Variants in FGF14 observed in about 807,000 individuals in gnomAD.
FGF14 encodes the protein fibroblast growth factor 14, also known as fibroblast growth factor homologous factor 4.
Under a neutral mutation model 25.5 loss-of-function variants are expected in FGF14, and 5 were observed. That is an observed-to-expected ratio of 0.20 (90% CI 0.10 to 0.41). The LOEUF (loss-of-function observed/expected upper bound fraction) is 0.41, where lower values mean the gene tolerates loss of function less well. FGF14 is among the 10% of genes least tolerant of loss of function. The pLI, the probability that FGF14 is intolerant of heterozygous loss-of-function variation, is 1.00. For synonymous variants in FGF14, 138 were observed against 118.3 expected (o/e 1.17, Z -1.08); for missense variants, 222 against 320.1 (o/e 0.69, Z 2.34).
intron 1 of FGF14, among the ~76,000 whole-genome samples, chr13:102,095,806 C>T (rs892552636): frequency 6.6e-6 from 1 of 152,072 alleles, no homozygotes; most frequent in Non-Finnish European, 1.5e-5. Context: ...AAAACATATA[C>T]AAAATATGAG....
At chr13:102,287,262 T>C (rs2054151284) in intron 1 of FGF14, among the ~76,000 whole-genome samples, 2 of 152,252 alleles carry the variant, frequency 1.3e-5, no homozygotes, top group Admixed American at 1.3e-4. Flanking sequence ...TAAATGTGCA[T>C]GTACACAGCA....
chr13:101,982,108 C>T (rs749601775), intron 1 of FGF14, among the ~76,000 whole-genome samples: 2 of 152,088 alleles, frequency 1.3e-5, no homozygotes, highest in African/African-American at 2.4e-5. Flanking sequence ...TCAAAGAGAA[C>T]GATTTTAAGG....
At chr13:102,395,097 G>T (rs1381593841) in intron 1 of FGF14, 2 of 152,282 alleles carry the variant, frequency 1.3e-5, no homozygotes, top group East Asian at 3.8e-4. Flanking sequence ...TGCGAAGTTG[G>T]AAGATTACTG....
chr13:101,921,371 G>A (rs995162581), upstream of FGF14, among the ~76,000 whole-genome samples: 2 of 152,142 alleles, frequency 1.3e-5, no homozygotes, highest in Admixed American at 6.5e-5. Flanking sequence ...TGCTTAAAAT[G>A]GCCATGAACG....
chr13:102,194,302 A>G (rs955152397), intron 1 of FGF14, among the ~76,000 whole-genome samples: 6 of 152,168 alleles, frequency 3.9e-5, no homozygotes, highest in African/African-American at 1.2e-4. Context: ...TTTCTGGGAT[A>G]CATGTACAGG....
intron 1 of FGF14, among the ~76,000 whole-genome samples, chr13:101,899,187 G>A (rs1799336834): frequency 7.0e-6 from 1 of 142,306 alleles, no homozygotes; most frequent in African/African-American, 2.8e-5. Context: ...GGAATCTTCT[G>A]CCCCAACTGT....
chr13:101,797,772 T>TGTGTGTGTGTGTGTGTGTGTGC lies in FGF14; in HGVS notation c.408+70952_408+70953insGCACACACACACACACACACAC, dbSNP rs1555384576. Reference sequence around the variant, plus strand: ...GTGTGTGTGTGTGTGTGTGTGTGTGTGTGTGTGTGTTCAACCTCAGTAGAA... The same window carrying TGTGTGTGTGTGTGTGTGTGTGC: ...GTGTGTGTGTGTGTGTGTGTGTGTGTGTGTGTGTGTGTGTGTGTGTGCGTGTGTGTGTTCAACCTCAGTAGAA... On this transcript the variant is annotated intron_variant, in intron 3 of 4. Transcript: ENST00000376143. Among the ~76,000 whole-genome samples, 14 of 145,670 alleles carry TGTGTGTGTGTGTGTGTGTGTGC rather than the reference T, an allele frequency of 9.6e-5. No individual in the cohort carries two copies. The East Asian group carries it at 1.5e-3, about 15-fold the overall frequency.
chr13:102,156,170 T>A (rs192438167), intron 1 of FGF14, among the ~76,000 whole-genome samples: 2,619 of 152,236 alleles, frequency 0.017, 73 homozygotes, highest in African/African-American at 0.056. Flanking sequence ...GAGGCCAGCA[T>A]CATCCTGATA....
At chr13:101,797,700 C>A (rs1229153118) in intron 3 of FGF14, among the ~76,000 whole-genome samples, 1 of 147,366 alleles carries the variant, frequency 6.8e-6, no homozygotes, top group Non-Finnish European at 1.5e-5. Flanking sequence ...AGATTTGCAA[C>A]CTTAGGCACT....
At chr13:102,328,552 G>A (rs957384814) in intron 1 of FGF14, among the ~76,000 whole-genome samples, 2 of 152,190 alleles carry the variant, frequency 1.3e-5, no homozygotes, top group Non-Finnish European at 1.5e-5. Flanking sequence ...CTCAAAGCAA[G>A]AATTCTGTCC....
At chr13:101,993,593 C>T (rs1209612973) in intron 1 of FGF14, among the ~76,000 whole-genome samples, 3 of 151,966 alleles carry the variant, frequency 2.0e-5, no homozygotes, top group Non-Finnish European at 4.4e-5. Context: ...CTCGAAGGGG[C>T]TTGCACTACA....
chr13:101,934,211 C>T (rs1252881918), intron 1 of FGF14, among the ~76,000 whole-genome samples: 1 of 152,156 alleles, frequency 6.6e-6, no homozygotes, highest in African/African-American at 2.4e-5. Flanking sequence ...ACAACAGAAA[C>T]GAACCAAATG....
intron 1 of FGF14, among the ~76,000 whole-genome samples, chr13:101,907,843 TC>T (rs1372537649): frequency 6.6e-6 from 1 of 152,118 alleles, no homozygotes; most frequent in Non-Finnish European, 1.5e-5. Flanking sequence ...TGGATTGATT[TC>T]CCTGAGTAGG....
rs556187986 is a variant in FGF14 at position 101,826,458 on chromosome 13, T to C, written c.408+42267A>G. ...ATAGCTATCCCAGTTAAATCTCAAA[T>C]TGTATTGGTCAATTAATATTGACTT... On this transcript the variant is annotated intron_variant, in intron 3 of 4. Transcript: ENST00000376143. 5.3e-5 allele frequency among the ~76,000 whole-genome samples: 8 copies of C among 152,164 alleles called. No homozygotes were observed. In the South Asian group the frequency reaches 1.5e-3, roughly 28 times the overall value.
At chr13:102,175,577 G>C (rs989722208) in intron 1 of FGF14, among the ~76,000 whole-genome samples, 1 of 151,992 alleles carries the variant, frequency 6.6e-6, no homozygotes, top group African/African-American at 2.4e-5. Flanking sequence ...ATCGACAAAT[G>C]GAGTTTCATT....
chr13:101,853,700 C>T (rs2043976656), intron 3 of FGF14, among the ~76,000 whole-genome samples: 1 of 152,064 alleles, frequency 6.6e-6, no homozygotes, highest in Non-Finnish European at 1.5e-5. Flanking sequence ...AAGTGATCCT[C>T]CTGCCTCGGC....
rs372555973 is a variant in FGF14 at position 102,283,727 on chromosome 13, C to T, written c.208+117744G>A. 2.0e-4 allele frequency among the ~76,000 whole-genome samples: 31 copies of T among 152,242 alleles called. No individual in the cohort carries two copies. In the East Asian group the frequency reaches 4.4e-3, roughly 22 times the overall value. On this transcript the variant is annotated intron_variant, in intron 1 of 4. Coordinates refer to the FGF14 transcript ENST00000376131. ...TGCAATCAAAATTTCTTTTCTCTAA[C>T]GGTGTGTATACAAAAGGGAAACATT...
chr13:102,156,492 G>T (rs1345770144), intron 1 of FGF14, among the ~76,000 whole-genome samples: 2 of 152,106 alleles, frequency 1.3e-5, no homozygotes, highest in African/African-American at 4.8e-5. Context: ...AATAAATTAG[G>T]TATTGATGGG....
At chr13:101,738,956 G>GTGTATA (rs1425333624) in intron 3 of FGF14, among the ~76,000 whole-genome samples, 1 of 146,188 alleles carries the variant, frequency 6.8e-6, no homozygotes, top group East Asian at 2.0e-4. Context: ...GTGTGTGTGT[G>GTGTATA]TATATATATA....
Sources: allele counts gnomAD v4.1 joint callset (sites outside exome capture counted in the v4.1 genomes callset), GRCh38; gene constraint gnomAD v4.1.1; transcripts MANE v1.5; gene names NCBI Gene and HGNC (gene_info 2026-07-23, HGNC 2026-07-21).